Variants in GRIN3A observed in about 807,000 individuals in gnomAD.
GRIN3A encodes glutamate ionotropic receptor NMDA type subunit 3A, also known as glutamate receptor ionotropic, NMDA 3A.
In GRIN3A, 47 loss-of-function variants were observed where a neutral mutation model predicts 92.4. The observed-to-expected ratio is 0.51, with a 90% CI of 0.40 to 0.65. The LOEUF is 0.65. Ranked by LOEUF, GRIN3A falls within the 30% of genes least tolerant of loss-of-function variation. GRIN3A has a pLI of 0.00. For missense variants in GRIN3A, 1,324 were observed against 1,393.1 expected (o/e 0.95, Z 0.79); for synonymous variants, 527 against 540.6 (o/e 0.97, Z 0.35).
At position 101,686,755 on chromosome 9, in the gene GRIN3A, T is replaced by A. The variant is rs765823159; in HGVS notation, c.1145A>T (p.Gln382Leu). ...LGLIAHGKTT[Q>L]SVFEHYVQDA... ...TTGTACGTAGTGCTCAAAGACAGAC[T>A]GTGTTGTTTTTCCATGAGCAATGAG... Residue 382 changes from glutamine (Q) to leucine (L), a missense_variant, in exon 2 of 9, where the codon CAG (glutamine) becomes CTG (leucine). Coordinates refer to ENST00000361820, the MANE Select transcript of GRIN3A (RefSeq NM_133445.3). The A allele has an allele frequency of 6.2e-7, 1 of 1,614,042 alleles. No individual in the cohort carries two copies. The highest frequency in any genetic ancestry group is 1.3e-5 in the African/African-American group (1 of 74,924).
chr9:101,665,294 T>C (rs1829223970), intron 3 of GRIN3A, among the ~76,000 whole-genome samples: 1 of 151,882 alleles, frequency 6.6e-6, no homozygotes. Flanking sequence ...TTCAAAGTTT[T>C]AGGGCGCACA....
intron 5 of GRIN3A, among the ~76,000 whole-genome samples, chr9:101,620,470 G>GAGTA (rs1315331039): frequency 1.3e-5 from 2 of 152,116 alleles, no homozygotes; most frequent in African/African-American, 4.8e-5. Context: ...GTCACACATA[G>GAGTA]AGTACTGAGT....
chr9:101,596,020 A>G (rs1312418234), intron 6 of GRIN3A, among the ~76,000 whole-genome samples: 1 of 152,190 alleles, frequency 6.6e-6, no homozygotes, highest in Non-Finnish European at 1.5e-5. Context: ...ATTACTCCAA[A>G]TGCATAAGAA....
chr9:101,598,344 T>A (rs1828166839), intron 6 of GRIN3A, among the ~76,000 whole-genome samples: 2 of 152,136 alleles, frequency 1.3e-5, no homozygotes, highest in African/African-American at 4.8e-5. Context: ...GACAGTTTAA[T>A]GGAAAAGGAA....
intron 6 of GRIN3A, chr9:101,595,127 G>C: frequency 3.5e-6 from 2 of 573,368 alleles, no homozygotes; most frequent in South Asian, 2.1e-5. Flanking sequence ...AAGAAGGAGG[G>C]AAAAGGGGGC....
intron 5 of GRIN3A, 88 bp downstream of exon 5, chr9:101,623,230 T>C: frequency 1.2e-6 from 1 of 846,950 alleles, no homozygotes; most frequent in Non-Finnish European, 2.1e-6. Context: ...AATAGCTCTT[T>C]GCTTCTGACT....
rs183519045 is a variant in GRIN3A at position 101,704,018 on chromosome 9, C to T, written c.700-16818G>A. Among the ~76,000 whole-genome samples, 341 of 152,194 alleles carry T rather than the reference C, an allele frequency of 2.2e-3. 2 individuals are homozygous for T. The highest frequency in any genetic ancestry group is 5.8e-4 in the East Asian group (3 of 5,170). On this transcript the variant is annotated intron_variant, in intron 1 of 8. Coordinates refer to ENST00000361820, the MANE Select transcript of GRIN3A (RefSeq NM_133445.3). The stretch of plus-strand genomic sequence containing the variant: ...TATTCCTCTTTTGTTTAAACACAAG[C>T]GAAAGGGCTTCCTTTAAAATGAGCG...
At chr9:101,618,315 T>A (rs905225687) in intron 5 of GRIN3A, among the ~76,000 whole-genome samples, 1 of 151,578 alleles carries the variant, frequency 6.6e-6, no homozygotes, top group Non-Finnish European at 1.5e-5. Flanking sequence ...AGGGCTAATA[T>A]CCAGCATCTA....
chr9:101,715,277 A>G (rs374786253), intron 1 of GRIN3A, among the ~76,000 whole-genome samples: 38 of 152,060 alleles, frequency 2.5e-4, no homozygotes, highest in African/African-American at 8.9e-4. Context: ...AGTTAATAAA[A>G]TAATGGTGTG....
intron 6 of GRIN3A, among the ~76,000 whole-genome samples, chr9:101,591,346 A>C (rs1023799451): frequency 2.0e-5 from 3 of 152,206 alleles, no homozygotes; most frequent in Non-Finnish European, 4.4e-5. Flanking sequence ...CATGGTTAAG[A>C]CTATAATAAA....
chr9:101,651,635 A>AT (rs1829015827), intron 3 of GRIN3A, among the ~76,000 whole-genome samples: 1 of 83,870 alleles, frequency 1.2e-5, no homozygotes, highest in African/African-American at 5.0e-5. Flanking sequence ...CAATAAATCC[A>AT]TTGTGTGTGT....
intron 3 of GRIN3A, among the ~76,000 whole-genome samples, chr9:101,664,661 A>G (rs1297828357): frequency 6.6e-6 from 1 of 151,980 alleles, no homozygotes; most frequent in Non-Finnish European, 1.5e-5. Context: ...TGCAACATGC[A>G]GTGAATCATA....
At chr9:101,723,924 G>C (rs1018512282) in intron 1 of GRIN3A, among the ~76,000 whole-genome samples, 6 of 152,278 alleles carry the variant, frequency 3.9e-5, no homozygotes, top group East Asian at 3.9e-4. Context: ...GCTAGATACA[G>C]AGTGTCCATT....
At chr9:101,628,665 T>G (rs1220943768) in intron 3 of GRIN3A, among the ~76,000 whole-genome samples, 1 of 152,180 alleles carries the variant, frequency 6.6e-6, no homozygotes, top group East Asian at 1.9e-4. Context: ...CCTATTAGAA[T>G]TCTTTAGAAG....
rs771790299 is a variant in GRIN3A, at chr9:101,737,497, C to G, written c.483G>C (p.Leu161=). The stretch of plus-strand genomic sequence containing the variant: ...TAGGGGAGGAGAAGGGCAAAAGTGG[C>G]AGATCGCCCAGGCCTGCCTCGATGG... ...VMAIEAGLGD[L]PLLPFSSPSS... The change falls in exon 1 of 9, where the codon CTG becomes CTC. Residue 161 remains leucine, a synonymous_variant. Coordinates refer to ENST00000361820, the MANE Select transcript of GRIN3A (RefSeq NM_133445.3). 1 of 1,614,234 alleles carries G rather than the reference C, an allele frequency of 6.2e-7. No individual in the cohort carries two copies. The highest frequency in any genetic ancestry group is 1.7e-5 in the Admixed American group (1 of 60,034).
At chr9:101,715,109 G>A (rs2119019260) in intron 1 of GRIN3A, among the ~76,000 whole-genome samples, 1 of 147,732 alleles carries the variant, frequency 6.8e-6, no homozygotes, top group South Asian at 2.2e-4. Flanking sequence ...CAATCAACTA[G>A]TATTATTTTC....
chr9:101,709,048 A>G lies in GRIN3A; in HGVS notation c.700-21848T>C, dbSNP rs1228724433. Among the ~76,000 whole-genome samples the G allele has an allele frequency of 2.0e-5, 3 of 152,178 alleles. No homozygotes were observed. The East Asian group carries it at 5.8e-4, about 29-fold the overall frequency. The stretch of plus-strand genomic sequence containing the variant: ...ACCCTTGGCAATGGACTCACTCTTT[A>G]AACAGCCTGCTCACATTTTCCTAGC... On this transcript the variant is annotated intron_variant, in intron 1 of 8. Transcript: ENST00000361820.
rs57126529 is a variant in GRIN3A, at chr9:101,651,636, T to TTGTGTGTG, written c.2352+18416_2352+18423dup. Among the ~76,000 whole-genome samples the TTGTGTGTG allele has an allele frequency of 4.6e-3, 675 of 146,038 alleles. 3 individuals carry two copies. The highest frequency in any genetic ancestry group is 0.011 in the African/African-American group (426 of 39,710). Reference sequence around the variant, plus strand: ...TCTGAAGATGTATGCAATAAATCCATTGTGTGTGTGTGTGTGTGTGTGTGT... The same window carrying TTGTGTGTG: ...TCTGAAGATGTATGCAATAAATCCATTGTGTGTGTGTGTGTGTGTGTGTGTGTGTGTGT... On this transcript the variant is annotated intron_variant, in intron 3 of 8. Coordinates refer to ENST00000361820, the MANE Select transcript of GRIN3A (RefSeq NM_133445.3).
chr9:101,656,593 T>G (rs924057033), intron 3 of GRIN3A, among the ~76,000 whole-genome samples: 4 of 151,872 alleles, frequency 2.6e-5, no homozygotes, highest in Admixed American at 1.3e-4. Flanking sequence ...AGGGATCTTG[T>G]TAAAATGCAG....
Sources: gnomAD v4.1 joint callset for allele counts (sites outside exome capture counted in the v4.1 genomes callset) on GRCh38, gnomAD v4.1.1 for gene constraint, MANE v1.5 for transcripts, NCBI Gene and HGNC (gene_info 2026-07-23, HGNC 2026-07-21) for gene names.